Variants in FUT8 observed in about 807,000 individuals in gnomAD.
FUT8 encodes the protein fucosyltransferase 8, also known as alpha-(1,6)-fucosyltransferase.
A neutral mutation model predicts 71.3 loss-of-function variants in FUT8; 29 were observed. That is an observed-to-expected ratio of 0.41 (90% CI 0.30 to 0.55). The LOEUF is 0.55. Among genes scored for constraint, FUT8 ranks in the 20% least tolerant of loss-of-function variants. The pLI is 0.34. For synonymous variants in FUT8, 254 were observed against 239.3 expected (o/e 1.06, Z -0.57); for missense variants, 544 against 702.1 (o/e 0.77, Z 2.55).
intron 6 of FUT8, among the ~76,000 whole-genome samples, chr14:65,658,268 C>A (rs971464905): frequency 6.6e-6 from 1 of 152,124 alleles, no homozygotes; most frequent in Non-Finnish European, 1.5e-5. Context: ...TACAATTAGT[C>A]ACCTGTCAGA....
At chr14:65,602,637 G>A (rs567712124) in intron 3 of FUT8, among the ~76,000 whole-genome samples, 4 of 151,734 alleles carry the variant, frequency 2.6e-5, no homozygotes, top group African/African-American at 9.7e-5. Context: ...ATTCCCACCA[G>A]CATTGTAGAA....
intron 6 of FUT8, among the ~76,000 whole-genome samples, chr14:65,635,445 C>T (rs1010568817): frequency 1.3e-5 from 2 of 152,136 alleles, no homozygotes; most frequent in Non-Finnish European, 2.9e-5. Flanking sequence ...TTCAACTTTT[C>T]CCCATTTAGT....
chr14:65,510,003 T>C (rs1882226796), intron 2 of FUT8, among the ~76,000 whole-genome samples: 1 of 152,190 alleles, frequency 6.6e-6, no homozygotes, highest in Non-Finnish European at 1.5e-5. Context: ...GGCATCCTTG[T>C]TATGTTTCAG....
At chr14:65,431,959 A>T (rs867778495) in intron 1 of FUT8, among the ~76,000 whole-genome samples, 1 of 151,886 alleles carries the variant, frequency 6.6e-6, no homozygotes, top group Admixed American at 6.6e-5. Flanking sequence ...AGGCCAAAGG[A>T]AAAAAAACAA....
intron 1 of FUT8, among the ~76,000 whole-genome samples, chr14:65,434,358 C>G (rs1248569994): frequency 2.6e-5 from 4 of 152,202 alleles, no homozygotes; most frequent in African/African-American, 9.7e-5. Context: ...CCTCAGACAG[C>G]TGAGAACTTA....
intron 2 of FUT8, chr14:65,529,268 G>C (rs1883761730): frequency 6.6e-6 from 1 of 151,218 alleles, no homozygotes; most frequent in South Asian, 2.1e-4. Context: ...TTTCACTCTT[G>C]TTGCCCAGGC....
rs576529974 is a variant in FUT8 at position 65,442,306 on chromosome 14, G to A, written c.-325-13315G>A. 4.6e-5 allele frequency among the ~76,000 whole-genome samples: 7 copies of A among 151,848 alleles called. No homozygotes were observed. The South Asian group carries it at 1.3e-3, about 27-fold the overall frequency. On this transcript the variant is annotated intron_variant, in intron 1 of 10. Coordinates refer to ENST00000673929, the MANE Select transcript of FUT8 (RefSeq NM_001371533.1). ...TTCTCCTGCCTCAGCCTCCTGAGTA[G>A]CTGGGATTACAAGCATGTGCCACCA...
chr14:65,488,521 G>C (rs890981887), intron 2 of FUT8: 4 of 152,176 alleles, frequency 2.6e-5, no homozygotes, highest in African/African-American at 7.2e-5. Flanking sequence ...TCTTGAGTTT[G>C]GTGAATTGTT....
Position 65,506,574 on chromosome 14 carries a change from G to T in FUT8, c.-228+50856G>T, listed in dbSNP as rs1158720545. On this transcript the variant is annotated intron_variant, in intron 2 of 10. Transcript: ENST00000673929. ...TTTAATAAACAGAATTTGTTATTTT[G>T]AAAATTGGGTAGTAAGGACAACCAG... 2.0e-5 allele frequency among the ~76,000 whole-genome samples: 3 copies of T among 152,096 alleles called. No homozygotes were observed. The East Asian group carries it at 5.8e-4, about 29-fold the overall frequency.
chr14:65,508,522 T>C (rs1192617503), intron 2 of FUT8, among the ~76,000 whole-genome samples: 1 of 111,268 alleles, frequency 9.0e-6, no homozygotes. Flanking sequence ...TTTTTTGAGA[T>C]GGAGTTTCGC....
the FUT8 span, among the ~76,000 whole-genome samples, chr14:65,385,281 C>A: frequency 6.6e-6 from 1 of 152,138 alleles, no homozygotes; most frequent in South Asian, 2.1e-4. Flanking sequence ...CTAAAAATCA[C>A]TAGCTTTTTC....
intron 3 of FUT8, among the ~76,000 whole-genome samples, chr14:65,615,592 C>T (rs1232805907): frequency 2.0e-5 from 3 of 152,076 alleles, no homozygotes; most frequent in Non-Finnish European, 2.9e-5. Context: ...AGATATGCTT[C>T]GTTATTCCCT....
chr14:65,695,312 T>G (rs1297883785), intron 7 of FUT8, among the ~76,000 whole-genome samples: 1 of 152,210 alleles, frequency 6.6e-6, no homozygotes, highest in Non-Finnish European at 1.5e-5. Context: ...TTCTGTAAGT[T>G]TTTACCTTAT....
At chr14:65,517,005 A>G (rs151178720) in intron 2 of FUT8, among the ~76,000 whole-genome samples, 1 of 151,566 alleles carries the variant, frequency 6.6e-6, no homozygotes, top group East Asian at 1.9e-4. Flanking sequence ...ATTTAGCATA[A>G]TGTCTTCAAG....
chr14:65,641,887 C>T (rs1594850628), intron 6 of FUT8, among the ~76,000 whole-genome samples: 1 of 150,894 alleles, frequency 6.6e-6, no homozygotes, highest in South Asian at 2.1e-4. Context: ...TTGCTTTCTT[C>T]TTATTGAGTT....
upstream of FUT8, among the ~76,000 whole-genome samples, chr14:65,409,248 G>T (rs371904080): frequency 6.6e-6 from 1 of 152,158 alleles, no homozygotes; most frequent in African/African-American, 2.4e-5. This position sits in a 1 kb window ranked among gnomAD's most constrained non-coding sequence, Gnocchi z 5.4. Flanking sequence ...ATAAAACAAC[G>T]AGAACAATTA....
At chr14:65,644,755 C>T (rs1316938419) in intron 6 of FUT8, among the ~76,000 whole-genome samples, 1 of 152,158 alleles carries the variant, frequency 6.6e-6, no homozygotes, top group Non-Finnish European at 1.5e-5. Context: ...TTTTCATCAA[C>T]TGATTAACAT....
intron 7 of FUT8, among the ~76,000 whole-genome samples, chr14:65,696,467 T>A (rs1015812405): frequency 6.6e-6 from 1 of 152,196 alleles, no homozygotes; most frequent in South Asian, 2.1e-4. Flanking sequence ...CAGCCCAGCG[T>A]TTTTCAAAAT....
rs1233941014 is a variant in FUT8, at chr14:65,643,298, T to G, written c.597+13692T>G. ...TAAAAGGCTTTCACAACATCATTCC[T>G]TATTGAGGGTATAAAAGGGAATACA... On this transcript the variant is annotated intron_variant, in intron 6 of 10. Transcript: ENST00000673929. This position sits in a 1 kb window ranked among gnomAD's most constrained non-coding sequence, Gnocchi z 4.5. Among the ~76,000 whole-genome samples, 1 of 152,184 alleles carries G rather than the reference T, an allele frequency of 6.6e-6. No individual in the cohort carries two copies. Among genetic ancestry groups the G allele is most frequent in the Admixed American group, 6.5e-5 (1 of 15,280 alleles).
Sources: gnomAD v4.1 joint callset for allele counts (sites outside exome capture counted in the v4.1 genomes callset) on GRCh38, gnomAD v4.1.1 for gene constraint, Gnocchi (gnomAD v3.1) non-coding constraint, MANE v1.5 for transcripts, NCBI Gene and HGNC (gene_info 2026-07-23, HGNC 2026-07-21) for gene names.